USH2A: variants seen among roughly 807,000 people sequenced by gnomAD.
USH2A encodes usherin.
Under a neutral mutation model 538.9 loss-of-function variants are expected in USH2A, and 443 were observed. The ratio of observed to expected loss-of-function variants is 0.82; its 90% CI spans 0.76 to 0.89. The LOEUF is 0.89. Ranked by LOEUF, USH2A falls within the 40% of genes least tolerant of loss-of-function variation. The probability of loss-of-function intolerance (pLI) is 0.00; values close to 1 mark genes in which losing one functional copy is unlikely to be tolerated. For missense variants in USH2A, 6,633 were observed against 6,324.8 expected (o/e 1.05, Z -1.65); for synonymous variants, 2,413 against 2,273.5 (o/e 1.06, Z -1.75).
At chr1:216,147,374 A>C (rs1312730095) in intron 21 of USH2A, among the ~76,000 whole-genome samples, 3 of 151,742 alleles carry the variant, frequency 2.0e-5, no homozygotes, top group Non-Finnish European at 2.9e-5. Context: ...CCAGCAATTT[A>C]CTCTTAAAAA....
At chr1:216,180,877 C>T (rs1483067209) in intron 20 of USH2A, among the ~76,000 whole-genome samples, 1 of 152,118 alleles carries the variant, frequency 6.6e-6, no homozygotes, top group Non-Finnish European at 1.5e-5. Flanking sequence ...AGAACACTTG[C>T]AAAAGGGCAC....
At chr1:215,756,756 T>C (rs1459869242) in intron 58 of USH2A, among the ~76,000 whole-genome samples, 1 of 151,954 alleles carries the variant, frequency 6.6e-6, no homozygotes, top group Non-Finnish European at 1.5e-5. Context: ...AAGCCCCATT[T>C]CTACTAAAAA....
intron 38 of USH2A, among the ~76,000 whole-genome samples, chr1:215,907,903 A>T (rs1665680623): frequency 6.6e-6 from 1 of 151,916 alleles, no homozygotes; most frequent in South Asian, 2.1e-4. Flanking sequence ...TGGGGGAAAG[A>T]TCTGCAGAGA....
rs576652375 is a variant in USH2A, at chr1:216,058,438, C to T, written c.6050-9791G>A. On this transcript the variant is annotated intron_variant, in intron 30 of 71. Transcript: ENST00000307340. The stretch of plus-strand genomic sequence containing the variant: ...GATAGGGCCTAGCACTAGCATGGAA[C>T]GTGGTAGATCACTTTTTTAAATAAA... 8.5e-4 allele frequency among the ~76,000 whole-genome samples: 126 copies of T among 148,912 alleles called. 10 individuals carry two copies. Among genetic ancestry groups the T allele is most frequent in the Admixed American group, 1.4e-3 (21 of 15,040 alleles).
intron 41 of USH2A, among the ~76,000 whole-genome samples, chr1:215,886,102 T>G (rs1665047457): frequency 6.6e-6 from 1 of 152,244 alleles, no homozygotes; most frequent in South Asian, 2.1e-4. Context: ...TCAATAGAAC[T>G]GAAATTATTA....
At chr1:216,337,865 C>T (rs890502151) in intron 4 of USH2A, among the ~76,000 whole-genome samples, 3 of 150,992 alleles carry the variant, frequency 2.0e-5, no homozygotes, top group Non-Finnish European at 1.5e-5. Context: ...TTCTTTATAT[C>T]AGCAATAAAT....
At chr1:215,763,944 A>C (rs1014484812) in intron 56 of USH2A, among the ~76,000 whole-genome samples, 1 of 152,178 alleles carries the variant, frequency 6.6e-6, no homozygotes, top group Admixed American at 6.6e-5. Context: ...GGAGCCATCA[A>C]GAGTGTCAAG....
intron 58 of USH2A, among the ~76,000 whole-genome samples, chr1:215,751,485 C>G (rs1660619408): frequency 6.6e-6 from 1 of 152,024 alleles, no homozygotes; most frequent in Admixed American, 6.5e-5. Context: ...TAGTCATCAT[C>G]TCGATAAATT....
chr1:216,173,222 T>C (rs899025607), intron 21 of USH2A, among the ~76,000 whole-genome samples: 2 of 152,162 alleles, frequency 1.3e-5, no homozygotes, highest in East Asian at 3.9e-4. Flanking sequence ...TACATTTAGT[T>C]AGGCTTCGGT....
intron 67 of USH2A, among the ~76,000 whole-genome samples, chr1:215,642,196 T>C (rs1656707801): frequency 6.6e-6 from 1 of 152,220 alleles, no homozygotes. Flanking sequence ...CAAGGAAGAC[T>C]GAAAAAGCTG....
intron 61 of USH2A, among the ~76,000 whole-genome samples, chr1:215,687,121 A>G (rs1489894396): frequency 1.3e-5 from 2 of 152,066 alleles, no homozygotes; most frequent in Non-Finnish European, 2.9e-5. Flanking sequence ...GACACTATTG[A>G]CGACTGGGTA....
At chr1:216,046,735 T>C (rs1026472468) in intron 31 of USH2A, 143 bp from the exon 32 acceptor site, 3 of 961,222 alleles carry the variant, frequency 3.1e-6, no homozygotes, top group Non-Finnish European at 4.8e-6. Flanking sequence ...TTGTCAGTAA[T>C]TGCTTTAGGA....
intron 32 of USH2A, among the ~76,000 whole-genome samples, chr1:216,033,722 G>A (rs953746506): frequency 1.3e-5 from 2 of 152,112 alleles, no homozygotes; most frequent in Admixed American, 1.3e-4. Flanking sequence ...TGCACCTGTG[G>A]CCCCAGCTAC....
intron 4 of USH2A, among the ~76,000 whole-genome samples, chr1:216,337,022 A>G (rs1157987738): frequency 6.6e-6 from 1 of 151,532 alleles, no homozygotes; most frequent in Non-Finnish European, 1.5e-5. Flanking sequence ...GTGGGCATCA[A>G]ATGTCTACAA....
chr1:215,920,246 A>G (rs1245716861), intron 38 of USH2A, among the ~76,000 whole-genome samples: 1 of 152,054 alleles, frequency 6.6e-6, no homozygotes, highest in East Asian at 1.9e-4. Flanking sequence ...AGACAGAGGG[A>G]GACAGCTAAT....
intron 42 of USH2A, among the ~76,000 whole-genome samples, chr1:215,878,200 G>T (rs1482849620): frequency 6.6e-6 from 1 of 152,108 alleles, no homozygotes. Flanking sequence ...AATACACAAA[G>T]CTTATCAAGT....
chr1:215,902,988 T>C (rs1425999623), intron 38 of USH2A, among the ~76,000 whole-genome samples: 1 of 151,968 alleles, frequency 6.6e-6, no homozygotes, highest in East Asian at 1.9e-4. Context: ...AGAATGAGTA[T>C]AGAAGAGGTC....
chr1:215,910,569 G>C (rs1374411787), intron 38 of USH2A, among the ~76,000 whole-genome samples: 1 of 151,828 alleles, frequency 6.6e-6, no homozygotes. Flanking sequence ...CACATCATAA[G>C]TACTATATAA....
intron 60 of USH2A, among the ~76,000 whole-genome samples, chr1:215,738,473 G>C (rs1276358843): frequency 6.6e-6 from 1 of 152,030 alleles, no homozygotes; most frequent in Non-Finnish European, 1.5e-5. Flanking sequence ...TTTCGTTTTT[G>C]AAATTATAAA....
Sources: allele counts gnomAD v4.1 joint callset (sites outside exome capture counted in the v4.1 genomes callset), GRCh38; gene constraint gnomAD v4.1.1; transcripts MANE v1.5; gene names NCBI Gene and HGNC (gene_info 2026-07-23, HGNC 2026-07-21).